Variants in TBL1X observed in about 807,000 individuals in gnomAD.
TBL1X encodes transducin beta like 1 X-linked, also known as F-box-like/WD repeat-containing protein TBL1X.
TBL1X carries 10 observed loss-of-function variants against 50.7 expected under a neutral mutation model. The ratio of observed to expected loss-of-function variants is 0.20; its 90% CI spans 0.12 to 0.33. TBL1X has a LOEUF of 0.33. Among genes scored for constraint, TBL1X ranks in the 10% least tolerant of loss-of-function variants. The probability of loss-of-function intolerance (pLI) is 1.00; values close to 1 mark genes in which losing one functional copy is unlikely to be tolerated. For missense variants in TBL1X, 340 were observed against 504.4 expected (o/e 0.67, Z 3.12); for synonymous variants, 190 against 214.7 (o/e 0.88, Z 1.01).
chrX:9,503,202 T>A lies in TBL1X; in HGVS notation c.-131+1353T>A, dbSNP rs769641276. Among the ~76,000 whole-genome samples the A allele has an allele frequency of 1.5e-3, 159 of 107,605 alleles. 1 individual carries two copies. Among genetic ancestry groups the A allele is most frequent in the African/African-American group, 5.2e-3 (154 of 29,394 alleles). 93.4% of individuals were successfully genotyped at this position (107,605 alleles called of 115,157 possible). ...TGTGGTGTGGCGGCCCACCTGAGAG[T>A]CACATGGGAAAGGGAACCCCCTCAC... is the stretch of plus-strand genomic sequence containing the variant. On this transcript the variant is annotated intron_variant, in intron 2 of 17. Coordinates refer to ENST00000645353, the MANE Select transcript of TBL1X (RefSeq NM_005647.4).
chrX:9,668,074 A>G (rs2082940404), intron 5 of TBL1X, among the ~76,000 whole-genome samples: 1 of 112,213 alleles, frequency 8.9e-6, no homozygotes, highest in Non-Finnish European at 1.9e-5. Context: ...TATTCATATA[A>G]ATATGTTATT....
chrX:9,491,321 TATATATATATATATA>T (rs1212675299), intron 1 of TBL1X, among the ~76,000 whole-genome samples: 12 of 33,115 alleles, frequency 3.6e-4, no homozygotes, highest in South Asian at 1.2e-3. Flanking sequence ...TATATATATA[TATATATATATATATA>T]TATTTTTTTT....
intron 2 of TBL1X, among the ~76,000 whole-genome samples, chrX:9,631,735 T>C (rs1445114157): frequency 8.9e-6 from 1 of 112,984 alleles, no homozygotes; most frequent in Non-Finnish European, 1.9e-5. Flanking sequence ...AAGTCAATTA[T>C]ATGGAAAAGG....
chrX:9,600,530 C>T (rs894972187), intron 2 of TBL1X, among the ~76,000 whole-genome samples: 1 of 106,267 alleles, frequency 9.4e-6, no homozygotes, highest in African/African-American at 3.6e-5. Context: ...TGAAAAAGCA[C>T]TAGAGAGAAT....
intron 2 of TBL1X, among the ~76,000 whole-genome samples, chrX:9,626,459 G>A (rs772349329): frequency 8.9e-6 from 1 of 112,355 alleles, no homozygotes; most frequent in South Asian, 3.7e-4. Context: ...GACACTCCAT[G>A]CAGTGTACTG....
chrX:9,717,810 C>A lies in TBL1X; in HGVS notation c.*1564C>A, dbSNP rs920294178. ...TGAATGCAGAAGGAAGATTTTCAGT[C>A]CTGAACGTGAATTATAGAGGTAGAA... On this transcript the variant is annotated 3_prime_UTR_variant, in exon 18 of 18. Transcript: ENST00000645353. 2 of 112,271 alleles carry A rather than the reference C, an allele frequency of 1.8e-5. No homozygotes were observed. The highest frequency in any genetic ancestry group is 6.5e-5 in the African/African-American group (2 of 30,914). The allele number at this position is 112,271 out of a possible 1,213,427, so 9.3% of individuals were successfully genotyped here. A position where few individuals can be genotyped will look rare whatever the true frequency, so the allele number is the denominator to read the frequency against.
chrX:9,672,243 G>C (rs995455711), intron 5 of TBL1X, among the ~76,000 whole-genome samples: 19 of 111,916 alleles, frequency 1.7e-4, no homozygotes, highest in Admixed American at 2.8e-4. Context: ...CACATTTCCT[G>C]TTTTAGATAA....
intron 11 of TBL1X, among the ~76,000 whole-genome samples, chrX:9,694,325 C>T (rs995494526): frequency 5.4e-5 from 6 of 111,490 alleles, no homozygotes; most frequent in Admixed American, 4.8e-4. Flanking sequence ...GATGCTCGGG[C>T]CTCCACAAAG....
chrX:9,520,092 C>T (rs971794357), intron 2 of TBL1X, among the ~76,000 whole-genome samples: 13 of 111,800 alleles, frequency 1.2e-4, no homozygotes, highest in Admixed American at 2.8e-4. Context: ...AATCTTCCTT[C>T]GTCATTGAAC....
intron 2 of TBL1X, among the ~76,000 whole-genome samples, chrX:9,577,179 T>C (rs766234785): frequency 3.6e-5 from 4 of 112,074 alleles, no homozygotes; most frequent in Non-Finnish European, 7.5e-5. Context: ...TTGGGTGACC[T>C]AGAGCGGCAT....
intron 2 of TBL1X, among the ~76,000 whole-genome samples, chrX:9,533,282 C>T (rs1245216625): frequency 2.7e-5 from 3 of 111,483 alleles, no homozygotes; most frequent in South Asian, 3.8e-4. Flanking sequence ...TGAAGATGTG[C>T]GTGAATGCTT....
intron 3 of TBL1X, among the ~76,000 whole-genome samples, chrX:9,651,895 A>C (rs1325714554): frequency 8.9e-6 from 1 of 112,663 alleles, no homozygotes; most frequent in Non-Finnish European, 1.9e-5. Context: ...TCGCCAGGGC[A>C]GCTGCATTCA....
intron 2 of TBL1X, among the ~76,000 whole-genome samples, chrX:9,506,516 G>A (rs750219707): frequency 3.6e-5 from 4 of 111,435 alleles, no homozygotes; most frequent in African/African-American, 1.3e-4. Flanking sequence ...CCAGGAGCTG[G>A]TTTTTTGAAA....
chrX:9,587,638 T>G (rs1437838600), intron 2 of TBL1X, among the ~76,000 whole-genome samples: 1 of 111,078 alleles, frequency 9.0e-6, no homozygotes, highest in Non-Finnish European at 1.9e-5. Flanking sequence ...TTTTAATAGC[T>G]TTATTGAGAT....
intron 2 of TBL1X, among the ~76,000 whole-genome samples, chrX:9,568,793 G>A (rs2082366838): frequency 9.2e-6 from 1 of 108,534 alleles, no homozygotes; most frequent in Non-Finnish European, 1.9e-5. Context: ...GTGTATGTCT[G>A]TCTGGTGTGC....
At chrX:9,526,479 TGGA>T (rs2082133258) in intron 2 of TBL1X, among the ~76,000 whole-genome samples, 1 of 111,567 alleles carries the variant, frequency 9.0e-6, no homozygotes, top group South Asian at 3.7e-4. Context: ...TTCGGAGAAG[TGGA>T]GGTGAAACGA....
intron 1 of TBL1X, among the ~76,000 whole-genome samples, chrX:9,481,706 T>G (rs1304971768): frequency 8.9e-6 from 1 of 112,174 alleles, no homozygotes; most frequent in African/African-American, 3.2e-5. Context: ...TGTCACTTTC[T>G]GACAGGTCCA....
chrX:9,702,824 G>T (rs1441348774), intron 12 of TBL1X, among the ~76,000 whole-genome samples: 2 of 111,435 alleles, frequency 1.8e-5, no homozygotes. Flanking sequence ...AGAGTTCTTG[G>T]CTGGGCACAC....
intron 16 of TBL1X, among the ~76,000 whole-genome samples, chrX:9,712,939 G>T (rs1326637126): frequency 1.4e-5 from 1 of 69,213 alleles, no homozygotes; most frequent in Non-Finnish European, 2.6e-5. Flanking sequence ...TTTCGCCTCA[G>T]GAGGGGAGGA....
Sources: gnomAD v4.1 joint callset for allele counts (sites outside exome capture counted in the v4.1 genomes callset) on GRCh38, gnomAD v4.1.1 for gene constraint, MANE v1.5 for transcripts, NCBI Gene and HGNC (gene_info 2026-07-23, HGNC 2026-07-21) for gene names.